The following RAD18 variants were observed in gnomAD, a reference collection of about 807,000 sequenced individuals.
RAD18 encodes the protein E3 ubiquitin-protein ligase RAD18.
A neutral mutation model predicts 60.4 loss-of-function variants in RAD18; 47 were observed. The observed-to-expected ratio is 0.78, with a 90% confidence interval of 0.62 to 0.99. The LOEUF (loss-of-function observed/expected upper bound fraction) is 0.99. Among genes scored for constraint, RAD18 ranks in the 50% least tolerant of loss-of-function variants. The probability of loss-of-function intolerance (pLI) is 0.00; values close to 1 mark genes in which losing one functional copy is unlikely to be tolerated. For missense variants in RAD18, 640 were observed against 593.3 expected (o/e 1.08, Z -0.82); for synonymous variants, 225 against 195.5 (o/e 1.15, Z -1.26).
intron 7 of RAD18, chr3:8,931,709 C>A (rs948706685): frequency 6.6e-6 from 1 of 152,180 alleles, no homozygotes; most frequent in South Asian, 2.1e-4. Context: ...ATTTTGAGAA[C>A]ACAGTTGAAG....
chr3:8,921,871 A>C (rs1018861107), intron 7 of RAD18, among the ~76,000 whole-genome samples: 2 of 152,212 alleles, frequency 1.3e-5, no homozygotes, highest in Admixed American at 1.3e-4. Flanking sequence ...TTTAAAGCAA[A>C]AATAGTAACA....
At chr3:8,963,246 T>C in intron 1 of RAD18, 89 bp downstream of exon 1, 1 of 1,403,110 alleles carries the variant, frequency 7.1e-7, no homozygotes, top group Admixed American at 2.3e-5. Context: ...CGCCTCATCC[T>C]TTCTCCTTAA....
intron 12 of RAD18, among the ~76,000 whole-genome samples, chr3:8,884,119 A>G (rs970954151): frequency 2.6e-5 from 4 of 151,996 alleles, no homozygotes; most frequent in African/African-American, 9.7e-5. Flanking sequence ...TTCTCTGGGG[A>G]CTGTCAGCCT....
chr3:8,885,195 T>C (rs143057434), intron 12 of RAD18, among the ~76,000 whole-genome samples: 10 of 152,306 alleles, frequency 6.6e-5, no homozygotes, highest in South Asian at 6.2e-4. Context: ...TTGCCTCATG[T>C]TGATTAAAGA....
At chr3:8,956,027 T>C (rs1028947662) in intron 2 of RAD18, among the ~76,000 whole-genome samples, 1 of 152,156 alleles carries the variant, frequency 6.6e-6, no homozygotes, top group African/African-American at 2.4e-5. Flanking sequence ...AACAATAACA[T>C]AGAATTAAAA....
chr3:8,920,416 T>C (rs1940297059), intron 7 of RAD18, among the ~76,000 whole-genome samples: 1 of 152,092 alleles, frequency 6.6e-6, no homozygotes, highest in Non-Finnish European at 1.5e-5. Context: ...TTTGCAACTA[T>C]CACAGAAAAG....
chr3:8,958,041 G>A (rs930815932), intron 2 of RAD18, among the ~76,000 whole-genome samples: 28 of 152,080 alleles, frequency 1.8e-4, no homozygotes, highest in Non-Finnish European at 2.9e-5. Context: ...ATAATGTGCC[G>A]GACAGTGAGT....
chr3:8,958,471 A>G (rs1941045928), intron 2 of RAD18, among the ~76,000 whole-genome samples: 1 of 152,254 alleles, frequency 6.6e-6, no homozygotes, highest in Non-Finnish European at 1.5e-5. Flanking sequence ...CAGTTAAGGT[A>G]TAAAACTGTC....
At chr3:8,911,293 C>G (rs530580879) in intron 9 of RAD18, among the ~76,000 whole-genome samples, 17 of 152,166 alleles carry the variant, frequency 1.1e-4, no homozygotes, top group African/African-American at 4.1e-4. Context: ...TATTAGATAC[C>G]ACCCTTTCAG....
At chr3:8,915,105 C>T (rs1337204646) in intron 7 of RAD18, among the ~76,000 whole-genome samples, 1 of 139,358 alleles carries the variant, frequency 7.2e-6, no homozygotes, top group Admixed American at 8.0e-5. Flanking sequence ...ACTGAGATGG[C>T]ACCACTGCAC....
At chr3:8,924,314 T>A (rs549587890) in intron 7 of RAD18, among the ~76,000 whole-genome samples, 1,823 of 146,568 alleles carry the variant, frequency 0.012, 27 homozygotes, top group African/African-American at 0.043. Flanking sequence ...AGAGACAAAG[T>A]AGGCCATTAC....
At chr3:8,931,858 T>A (rs445056) in intron 7 of RAD18, among the ~76,000 whole-genome samples, 104,359 of 152,132 alleles carry the variant, frequency 0.69, 36,380 homozygotes, top group Middle Eastern at 0.77. Context: ...TACATGGCCG[T>A]TAGGATTTGA....
intron 2 of RAD18, among the ~76,000 whole-genome samples, chr3:8,955,269 A>G (rs1350201788): frequency 6.6e-6 from 1 of 152,118 alleles, no homozygotes; most frequent in Non-Finnish European, 1.5e-5. Flanking sequence ...GAAACCCCCA[A>G]CTTTCTGCCT....
At chr3:8,896,506 T>C (rs545901713) in intron 11 of RAD18, among the ~76,000 whole-genome samples, 34 of 152,234 alleles carry the variant, frequency 2.2e-4, no homozygotes, top group Non-Finnish European at 4.3e-4. Flanking sequence ...ATTAAGTCAC[T>C]TAATTTCTTT....
chr3:8,940,925 T>G (rs1222088542), intron 5 of RAD18, among the ~76,000 whole-genome samples: 1 of 152,178 alleles, frequency 6.6e-6, no homozygotes, highest in Admixed American at 6.5e-5. Flanking sequence ...GTATGTGAAC[T>G]TTTATTTACA....
At chr3:8,885,997 C>T (rs1368660314) in intron 12 of RAD18, among the ~76,000 whole-genome samples, 2 of 152,158 alleles carry the variant, frequency 1.3e-5, no homozygotes, top group African/African-American at 4.8e-5. Context: ...GTAGTTATAG[C>T]TTGTGGAAAA....
At chr3:8,908,638 T>A (rs1178617944) in intron 9 of RAD18, among the ~76,000 whole-genome samples, 2 of 152,188 alleles carry the variant, frequency 1.3e-5, no homozygotes, top group Non-Finnish European at 2.9e-5. Context: ...ATTTGTTATT[T>A]AAGCCATGCG....
In RAD18 at chr3:8,880,088, TGC is replaced by T. The variant is rs1352217388; in HGVS notation, c.*1267_*1268del. Reference sequence around the variant, plus strand: ...CCTTAATGCACCCCTCAGGATTTCATGCAAATGAAATTATTATGACAAATTTT... The same window carrying T: ...CCTTAATGCACCCCTCAGGATTTCATAAATGAAATTATTATGACAAATTTT... On this transcript the variant is annotated 3_prime_UTR_variant, in exon 13 of 13. Coordinates refer to ENST00000264926, the MANE Select transcript of RAD18 (RefSeq NM_020165.4). 1 of 152,212 alleles carries T rather than the reference TGC, an allele frequency of 6.6e-6. No individual in the cohort carries two copies. The highest frequency in any genetic ancestry group is 1.9e-4 in the East Asian group (1 of 5,200). 9.4% of individuals were successfully genotyped at this position (152,212 alleles called of 1,614,324 possible). A position where few individuals can be genotyped will look rare whatever the true frequency, so the allele number is the denominator to read the frequency against.
At chr3:8,923,200 A>C (rs1419091148) in intron 7 of RAD18, among the ~76,000 whole-genome samples, 1 of 152,198 alleles carries the variant, frequency 6.6e-6, no homozygotes, top group Admixed American at 6.5e-5. Context: ...TAGAATAACC[A>C]ATGCAGAGAA....
Sources: allele counts gnomAD v4.1 joint callset (sites outside exome capture counted in the v4.1 genomes callset), GRCh38; gene constraint gnomAD v4.1.1; transcripts MANE v1.5; gene names NCBI Gene and HGNC (gene_info 2026-07-23, HGNC 2026-07-21).